Variants in ACKR2 observed in about 807,000 individuals in gnomAD.
The protein encoded by ACKR2 is atypical chemokine receptor 2, also known as C-C chemokine receptor D6.
For missense variants in ACKR2, 457 were observed against 477.3 expected (o/e 0.96, Z 0.40); for synonymous variants, 207 against 192.2 (o/e 1.08, Z -0.64).
chr3:42,827,221 A>G (rs1700877227), intron 2 of ACKR2, among the ~76,000 whole-genome samples: 2 of 152,176 alleles, frequency 1.3e-5, no homozygotes, highest in African/African-American at 2.4e-5. Context: ...TCTTACTTAT[A>G]TCAGTTTTAG....
At chr3:42,833,346 G>A (rs182355468) in intron 2 of ACKR2, among the ~76,000 whole-genome samples, 5 of 152,036 alleles carry the variant, frequency 3.3e-5, no homozygotes, top group Admixed American at 3.3e-4. Flanking sequence ...GAGATATTTT[G>A]TTTATTTTTA....
chr3:42,848,282 A>G (rs907078424), intron 2 of ACKR2, among the ~76,000 whole-genome samples: 3 of 145,218 alleles, frequency 2.1e-5, no homozygotes, highest in South Asian at 2.2e-4. Context: ...GCACGGCACA[A>G]TCTTGTCTCA....
At chr3:42,855,760 A>C (rs1384175885) in intron 2 of ACKR2, among the ~76,000 whole-genome samples, 1 of 152,240 alleles carries the variant, frequency 6.6e-6, no homozygotes, top group African/African-American at 2.4e-5. Context: ...GTGAAAGATC[A>C]GGAGGCTAAA....
chr3:42,811,834 T>C (rs1700698488), intron 1 of ACKR2, among the ~76,000 whole-genome samples: 1 of 152,106 alleles, frequency 6.6e-6, no homozygotes. Context: ...CTGAGATGTT[T>C]GGGTGGAGAG....
At chr3:42,857,263 AGAG>A (rs1261412107) in intron 2 of ACKR2, among the ~76,000 whole-genome samples, 1 of 152,128 alleles carries the variant, frequency 6.6e-6, no homozygotes, top group Non-Finnish European at 1.5e-5. Flanking sequence ...GGCTGATTCA[AGAG>A]GAGAGACTCA....
At chr3:42,814,029 T>A (rs765569355) in intron 1 of ACKR2, among the ~76,000 whole-genome samples, 18 of 152,184 alleles carry the variant, frequency 1.2e-4, no homozygotes, top group Non-Finnish European at 1.9e-4. Flanking sequence ...TTGTTGCCTG[T>A]TTGTGGGAGA....
At chr3:42,853,311 C>A (rs925862428) in intron 2 of ACKR2, among the ~76,000 whole-genome samples, 1 of 152,128 alleles carries the variant, frequency 6.6e-6, no homozygotes, top group African/African-American at 2.4e-5. Context: ...GCACTTTACT[C>A]CCCTTCTCTG....
intron 2 of ACKR2, among the ~76,000 whole-genome samples, chr3:42,858,486 A>C (rs1225444896): frequency 6.6e-6 from 1 of 152,160 alleles, no homozygotes; most frequent in Non-Finnish European, 1.5e-5. Context: ...AACATCAACA[A>C]AAGAGACATC....
chr3:42,816,644 C>T (rs962998769), intron 1 of ACKR2, among the ~76,000 whole-genome samples: 2 of 151,752 alleles, frequency 1.3e-5, no homozygotes, highest in Admixed American at 1.3e-4. Context: ...GAAACCTCTG[C>T]CTCATGGGTT....
At chr3:42,857,164 C>G (rs1489640560) in intron 2 of ACKR2, among the ~76,000 whole-genome samples, 1 of 151,906 alleles carries the variant, frequency 6.6e-6, no homozygotes, top group Non-Finnish European at 1.5e-5. Context: ...TATTTGTACT[C>G]CTTCAAAGTA....
At position 42,852,935 on chromosome 3, in the gene ACKR2, C is replaced by G. The variant is rs10865924; in HGVS notation, c.-37-11531C>G. Among the ~76,000 whole-genome samples the G allele has an allele frequency of 0.27, 40,541 of 151,892 alleles. 7,087 individuals carry two copies. The highest frequency in any genetic ancestry group is 0.6 in the East Asian group (3,092 of 5,146). On this transcript the variant is annotated intron_variant, in intron 2 of 2. Coordinates refer to ENST00000422265, the MANE Select transcript of ACKR2 (RefSeq NM_001296.5). This position sits in a 1 kb window ranked among gnomAD's most constrained non-coding sequence, Gnocchi z 4.3. The stretch of plus-strand genomic sequence containing the variant: ...ATCAGAGGCCAGCTGATTCCTCTGG[C>G]CAGCTGTGCCTGGCTTACAGTGTGG...
intron 2 of ACKR2, among the ~76,000 whole-genome samples, chr3:42,836,327 AATCCACCAG>A (rs1384599156): frequency 6.6e-6 from 1 of 152,172 alleles, no homozygotes; most frequent in Admixed American, 6.5e-5. Context: ...GCAATTCCAC[AATCCACCAG>A]ATCCTGGGAC....
chr3:42,864,476 C>A lies in ACKR2; in HGVS notation c.-27C>A. ...ATTTTCCCCCCGCAGCACTACAGGA[C>A]GTCGGGACTGGGCATTTCCTTCCAA... On this transcript the variant is annotated 5_prime_UTR_variant, in exon 3 of 3. Transcript: ENST00000422265. The A allele has an allele frequency of 6.4e-7, 1 of 1,568,492 alleles. No individual in the cohort carries two copies. The highest frequency in any genetic ancestry group is 8.6e-7 in the Non-Finnish European group (1 of 1,157,632).
At chr3:42,820,883 GT>G (rs34265324) in intron 2 of ACKR2, among the ~76,000 whole-genome samples, 37,466 of 143,676 alleles carry the variant, frequency 0.26, 5,670 homozygotes, top group East Asian at 0.58. Flanking sequence ...TTCATCAATA[GT>G]TTTTTTTTTT....
At chr3:42,841,651 T>G (rs1701040697) in intron 2 of ACKR2, 1 of 152,276 alleles carries the variant, frequency 6.6e-6, no homozygotes, top group Non-Finnish European at 1.5e-5. Flanking sequence ...GATGGGCTGT[T>G]GGACCCAGAA....
chr3:42,859,606 C>A (rs889262810), intron 2 of ACKR2, among the ~76,000 whole-genome samples: 9 of 152,090 alleles, frequency 5.9e-5, no homozygotes, highest in African/African-American at 2.2e-4. Context: ...TGGTCTCGAT[C>A]TCCTGACCTT....
At chr3:42,831,411 G>A (rs1304066879) in intron 2 of ACKR2, among the ~76,000 whole-genome samples, 4 of 152,190 alleles carry the variant, frequency 2.6e-5, no homozygotes, top group African/African-American at 9.7e-5. Context: ...TTCTTTGCCA[G>A]CTGGCATGAT....
intron 2 of ACKR2, among the ~76,000 whole-genome samples, chr3:42,857,296 A>G (rs4683347): frequency 0.98 from 149,714 of 152,278 alleles, 73,641 homozygotes; most frequent in Middle Eastern, 1. Flanking sequence ...GGTGGTGAGG[A>G]TGATGGGGAA....
chr3:42,859,519 G>A (rs2088358441), intron 2 of ACKR2, among the ~76,000 whole-genome samples: 1 of 151,858 alleles, frequency 6.6e-6, no homozygotes, highest in South Asian at 2.1e-4. Context: ...GCTGGGACTA[G>A]AGGCGCCCGC....
Sources: allele counts gnomAD v4.1 joint callset (sites outside exome capture counted in the v4.1 genomes callset), GRCh38; gene constraint gnomAD v4.1.1; non-coding constraint Gnocchi (gnomAD v3.1); transcripts MANE v1.5; gene names NCBI Gene and HGNC (gene_info 2026-07-23, HGNC 2026-07-21).